The following PCNT variants were observed in gnomAD, a reference collection of about 807,000 sequenced individuals.
PCNT encodes the protein pericentrin, also known as kendrin.
PCNT carries 319 observed loss-of-function variants against 380.4 expected under a neutral mutation model. That is an observed-to-expected ratio of 0.84 (90% CI 0.77 to 0.92). The LOEUF is 0.92. Among genes scored for constraint, PCNT ranks in the 40% least tolerant of loss-of-function variants. The pLI, the probability that PCNT is intolerant of heterozygous loss-of-function variation, is 0.00. For synonymous variants in PCNT, 1,845 were observed against 1,735.2 expected (o/e 1.06, Z -1.57); for missense variants, 4,400 against 4,255.3 (o/e 1.03, Z -0.95).
intron 37 of PCNT, 54 bp from the exon 38 acceptor site, chr21:46,431,475 T>G (rs1023393312): frequency 6.2e-7 from 1 of 1,613,422 alleles, no homozygotes; most frequent in Non-Finnish European, 8.5e-7. Flanking sequence ...GAAAACCATG[T>G]AGACACTTTT....
rs1434341944 is a variant in PCNT at position 46,388,318 on chromosome 21, T to C, written c.3465-424T>C. On this transcript the variant is annotated intron_variant, in intron 17 of 46. Coordinates refer to ENST00000359568, the MANE Select transcript of PCNT (RefSeq NM_006031.6). This position sits in a 1 kb window ranked among gnomAD's most constrained non-coding sequence, Gnocchi z 4.2. ...CACACAACTCCTGTGAATGTGTGGCTGAGGCGTGACTTGGTGTTGGACAGA... is the reference window on the plus strand; with the variant it reads ...CACACAACTCCTGTGAATGTGTGGCCGAGGCGTGACTTGGTGTTGGACAGA... 6.6e-6 allele frequency among the ~76,000 whole-genome samples: 1 copy of C among 152,150 alleles called. No homozygotes were observed. The highest frequency in any genetic ancestry group is 1.5e-5 in the Non-Finnish European group (1 of 68,010).
intron 17 of PCNT, among the ~76,000 whole-genome samples, chr21:46,387,225 G>T (rs988218191): frequency 1.3e-5 from 2 of 152,226 alleles, no homozygotes; most frequent in Non-Finnish European, 2.9e-5. Flanking sequence ...TGTGTGGGGG[G>T]TGTCTGTGCA....
In PCNT at chr21:46,354,034, A is replaced by T. The variant is rs998090068; in HGVS notation, c.1727A>T (p.Asp576Val). 39 of 1,614,058 alleles carry T rather than the reference A, an allele frequency of 2.4e-5. No homozygotes were observed. Among genetic ancestry groups the T allele is most frequent in the Non-Finnish European group, 3.2e-5 (38 of 1,180,010 alleles). Residue 576 changes from aspartate (D) to valine (V), a missense_variant, in exon 11 of 47, where the codon GAT (aspartate) becomes GTT (valine). Asp to Val is a radical substitution (Grantham distance 152, BLOSUM62 -3). Transcript: ENST00000359568. ...LEEKPEKGRK[D>V]HVDELEPERH... ...GAGAAACCTGAGAAAGGAAGAAAAG[A>T]TCACGTTGATGAACTCGAGCCTGAG...
chr21:46,428,948 C>A (rs1417982251), intron 35 of PCNT, among the ~76,000 whole-genome samples: 2 of 152,236 alleles, frequency 1.3e-5, no homozygotes, highest in Non-Finnish European at 2.9e-5. Context: ...CTCAGGTCAT[C>A]TGTGGGTAAG....
In PCNT at chr21:46,346,738, C is replaced by T. The variant is rs144683591; in HGVS notation, c.721-5C>T. ...CCCTTATCAGAGGCCTTTTCTCCGCCGCAGGCCGTGCATGGCCTTGAGCTG... is the reference window on the plus strand; with the variant it reads ...CCCTTATCAGAGGCCTTTTCTCCGCTGCAGGCCGTGCATGGCCTTGAGCTG... On this transcript the variant is annotated splice_polypyrimidine_tract_variant and splice_region_variant and intron_variant, in intron 4 of 46. Transcript: ENST00000359568. 88 of 1,594,778 alleles carry T rather than the reference C, an allele frequency of 5.5e-5. No homozygotes were observed. Among genetic ancestry groups the T allele is most frequent in the Non-Finnish European group, 5.7e-5 (67 of 1,172,004 alleles).
chr21:46,330,813 T>C (rs1056941068), intron 2 of PCNT, among the ~76,000 whole-genome samples: 1 of 152,364 alleles, frequency 6.6e-6, no homozygotes, highest in Non-Finnish European at 1.5e-5. Flanking sequence ...GGCCGAATAA[T>C]GTCCCAGGCC....
chr21:46,338,283 C>T (rs954296440), intron 3 of PCNT, among the ~76,000 whole-genome samples: 3 of 152,160 alleles, frequency 2.0e-5, no homozygotes, highest in South Asian at 2.1e-4. Flanking sequence ...CAAGAGGGCC[C>T]GTGTCCTCTT....
chr21:46,348,990 AT>A (rs757574693), intron 6 of PCNT, 21 bp from the exon 7 acceptor site: 90 of 1,443,496 alleles, frequency 6.2e-5, no homozygotes, highest in Middle Eastern at 1.8e-4. Context: ...ATTGAGTTTA[AT>A]TTTTTTTTCT....
rs1349837280 is a variant in PCNT at position 46,418,197 on chromosome 21, T to C, written c.6922-7T>C. 3 of 1,538,960 alleles carry C rather than the reference T, an allele frequency of 1.9e-6. No homozygotes were observed. The highest frequency in any genetic ancestry group is 1.1e-5 in the South Asian group (1 of 89,548). ...TATTTTATGACCATTTAAAAATCTC[T>C]TAACAGGAGAAAGATGTCGAAGATT... On this transcript the variant is annotated splice_region_variant and splice_polypyrimidine_tract_variant and intron_variant, in intron 30 of 46. Transcript: ENST00000359568.
In PCNT at chr21:46,366,826, C is replaced by A. The variant is rs1230684617; in HGVS notation, c.2852C>A (p.Thr951Lys). 1.1e-5 allele frequency: 17 copies of A among 1,613,960 alleles called. No homozygotes were observed. The highest frequency in any genetic ancestry group is 1.4e-5 in the Non-Finnish European group (17 of 1,180,036). The change falls in exon 15 of 47, where the codon ACA becomes AAA. Residue 951 changes from threonine to lysine, a missense_variant. Transcript: ENST00000359568. ...GCTGCACGTGTGGCCGAACTGCAGA[C>A]AAAACACGCTGCCGACCTCGGCGCT... The part of the protein sequence containing the change: ...LLAARVAELQ[T>K]KHAADLGALE...
chr21:46,347,334 C>T (rs2084106072), intron 5 of PCNT, 123 bp from the exon 6 acceptor site: 2 of 938,940 alleles, frequency 2.1e-6, no homozygotes, highest in Non-Finnish European at 1.7e-6. Flanking sequence ...CAGACACATC[C>T]TGCTAGCCCG....
intron 31 of PCNT, 119 bp downstream of exon 31, chr21:46,418,425 C>G (rs1158635436): frequency 4.2e-6 from 3 of 719,884 alleles, no homozygotes; most frequent in Non-Finnish European, 7.5e-6. Flanking sequence ...TGACCTCCAC[C>G]CCGGCTCTGC....
intron 21 of PCNT, among the ~76,000 whole-genome samples, chr21:46,394,148 C>T (rs2086129560): frequency 6.6e-6 from 1 of 152,254 alleles, no homozygotes; most frequent in Non-Finnish European, 1.5e-5. Context: ...AGCTACCGGC[C>T]CTGACCACTC....
intron 21 of PCNT, among the ~76,000 whole-genome samples, chr21:46,393,511 C>G (rs1467885408): frequency 6.6e-6 from 1 of 152,070 alleles, no homozygotes; most frequent in Non-Finnish European, 1.5e-5. Context: ...CCAGTGTCTT[C>G]GCGCCCAGCC....
intron 2 of PCNT, among the ~76,000 whole-genome samples, chr21:46,331,553 G>A (rs887384710): frequency 1.3e-5 from 2 of 152,122 alleles, no homozygotes; most frequent in South Asian, 2.1e-4. Context: ...TGGTGGCTCC[G>A]AGCACTTTGG....
intron 19 of PCNT, 135 bp from the exon 20 acceptor site, chr21:46,390,535 C>A: frequency 1.1e-6 from 1 of 901,332 alleles, no homozygotes; most frequent in East Asian, 2.4e-5. Context: ...GCTCAGGTCC[C>A]GTCACCCTGG....
At chr21:46,424,004 T>TA (rs1418164045) in intron 32 of PCNT, among the ~76,000 whole-genome samples, 29 of 152,166 alleles carry the variant, frequency 1.9e-4, no homozygotes, top group Admixed American at 1.9e-3. Flanking sequence ...GCCTGTGTTT[T>TA]AGAGTGTGGA....
chr21:46,346,268 A>C, intron 4 of PCNT, 60 bp downstream of exon 4: 3 of 776,118 alleles, frequency 3.9e-6, no homozygotes, highest in Non-Finnish European at 6.7e-6. Flanking sequence ...CACAGGGCAC[A>C]GTGGGCATCC....
chr21:46,337,962 C>T (rs957821989), intron 3 of PCNT, among the ~76,000 whole-genome samples: 1 of 151,510 alleles, frequency 6.6e-6, no homozygotes, highest in Non-Finnish European at 1.5e-5. Flanking sequence ...CAGCCTTGAA[C>T]TCCTAGGCTT....
Sources: gnomAD v4.1 joint callset for allele counts (sites outside exome capture counted in the v4.1 genomes callset) on GRCh38, gnomAD v4.1.1 for gene constraint, Gnocchi (gnomAD v3.1) non-coding constraint, MANE v1.5 for transcripts, NCBI Gene and HGNC (gene_info 2026-07-23, HGNC 2026-07-21) for gene names.